NIPBL: variants seen among roughly 807,000 people sequenced by gnomAD.
The protein encoded by NIPBL is NIPBL cohesin loading factor.
Under a neutral mutation model 321.8 loss-of-function variants are expected in NIPBL, and 19 were observed. The observed-to-expected ratio is 0.06, with a 90% CI of 0.04 to 0.09. The LOEUF is 0.09. Among genes scored for constraint, NIPBL ranks in the 10% least tolerant of loss-of-function variants. The pLI is 1.00. For synonymous variants in NIPBL, 1,106 were observed against 1,114.1 expected (o/e 0.99, Z 0.14); for missense variants, 2,210 against 3,327.0 (o/e 0.66, Z 8.26).
intron 21 of NIPBL, among the ~76,000 whole-genome samples, chr5:37,011,701 CTTTT>C (rs1470286372): frequency 6.6e-6 from 1 of 152,028 alleles, no homozygotes; most frequent in East Asian, 1.9e-4. Context: ...TTCTTTCTTT[CTTTT>C]AATTATTTTT....
At chr5:37,034,681 A>G (rs952576988) in intron 32 of NIPBL, among the ~76,000 whole-genome samples, 6 of 152,366 alleles carry the variant, frequency 3.9e-5, no homozygotes, top group Non-Finnish European at 7.3e-5. Flanking sequence ...TAAATAGCAT[A>G]CAGCTTATAC....
intron 21 of NIPBL, among the ~76,000 whole-genome samples, chr5:37,011,496 A>G (rs1748118735): frequency 6.6e-6 from 1 of 152,190 alleles, no homozygotes; most frequent in South Asian, 2.1e-4. Context: ...ATCGAGACTC[A>G]GTGAGCCGAG....
At chr5:36,948,462 G>C (rs564232466) in intron 1 of NIPBL, among the ~76,000 whole-genome samples, 1 of 152,012 alleles carries the variant, frequency 6.6e-6, no homozygotes, top group African/African-American at 2.4e-5. Context: ...ACAACACAAA[G>C]TAGAGTTTAA....
intron 6 of NIPBL, among the ~76,000 whole-genome samples, chr5:36,965,563 A>T (rs778625667): frequency 2.0e-5 from 3 of 152,098 alleles, no homozygotes; most frequent in Non-Finnish European, 4.4e-5. Flanking sequence ...GGGGACAAAT[A>T]TACTGTCTGA....
In NIPBL at chr5:36,985,439, G is replaced by A; in HGVS notation, c.2259G>A (p.Gly753=). The A allele has an allele frequency of 1.2e-6, 2 of 1,613,614 alleles. No homozygotes were observed. Among genetic ancestry groups the A allele is most frequent in the South Asian group, 1.1e-5 (1 of 91,072 alleles). The change falls in exon 10 of 47, where the codon GGG becomes GGA. Residue 753 remains glycine, a synonymous_variant. Transcript: ENST00000282516. ...RPETPKQKNE[G]RPETPKHRHD... ...AAACTCCAAAGCAAAAAAATGAAGG[G>A]CGACCTGAAACACCAAAACACAGGC...
chr5:36,884,408 T>C (rs933434065), intron 1 of NIPBL, among the ~76,000 whole-genome samples: 2 of 152,202 alleles, frequency 1.3e-5, no homozygotes, highest in Non-Finnish European at 2.9e-5. Flanking sequence ...TTCCCACTTC[T>C]ATAGACATAT....
In NIPBL at chr5:37,061,953, T is replaced by A. The variant is rs185855933; in HGVS notation, c.7860+935T>A. Among the ~76,000 whole-genome samples, 1,046 of 152,248 alleles carry A rather than the reference T, an allele frequency of 6.9e-3. 11 individuals carry two copies. The highest frequency in any genetic ancestry group is 0.024 in the African/African-American group (988 of 41,570). On this transcript the variant is annotated intron_variant, in intron 45 of 46. Transcript: ENST00000282516. ...GCCTCCCAGGTTCAAGCAAGTCTCCTGCCTCAGCCTCCCGCATAGCTGGGA... is the reference window on the plus strand; with the variant it reads ...GCCTCCCAGGTTCAAGCAAGTCTCCAGCCTCAGCCTCCCGCATAGCTGGGA...
chr5:36,976,623 A>T (rs1017781028), intron 9 of NIPBL, among the ~76,000 whole-genome samples: 1 of 152,098 alleles, frequency 6.6e-6, no homozygotes, highest in South Asian at 2.1e-4. Context: ...TCTCTACTAC[A>T]GGTCTGTTAC....
At chr5:37,043,005 T>C (rs1752601249) in intron 34 of NIPBL, among the ~76,000 whole-genome samples, 1 of 152,146 alleles carries the variant, frequency 6.6e-6, no homozygotes, top group South Asian at 2.1e-4. Context: ...TAAATCCTTT[T>C]CTACCTTTTG....
At chr5:37,053,378 TTGAC>T (rs1753770742) in intron 42 of NIPBL, among the ~76,000 whole-genome samples, 1 of 152,218 alleles carries the variant, frequency 6.6e-6, no homozygotes, top group African/African-American at 2.4e-5. Context: ...TAGTTTGTAA[TTGAC>T]TGAAACATGT....
Position 37,010,070 on chromosome 5 carries a change from T to G in NIPBL, c.4422-17T>G, listed in dbSNP as rs977992738. On this transcript the variant is annotated splice_polypyrimidine_tract_variant and intron_variant, in intron 20 of 46. Transcript: ENST00000282516. ...ATTATCTTGATACTCCATACAAATT[T>G]TTTTTCTTCATTAAAGGTTAAACAG... 1 of 1,591,058 alleles carries G rather than the reference T, an allele frequency of 6.3e-7. No homozygotes were observed. Among genetic ancestry groups the G allele is most frequent in the Non-Finnish European group, 8.6e-7 (1 of 1,159,700 alleles).
chr5:37,025,102 A>G (rs1202325119), intron 30 of NIPBL, among the ~76,000 whole-genome samples: 4 of 152,166 alleles, frequency 2.6e-5, no homozygotes, highest in African/African-American at 9.7e-5. Context: ...ATTTTTAAAA[A>G]TTTCACCAAA....
At chr5:37,012,781 G>T (rs1408671917) in intron 21 of NIPBL, among the ~76,000 whole-genome samples, 2 of 152,074 alleles carry the variant, frequency 1.3e-5, no homozygotes, top group African/African-American at 4.8e-5. Flanking sequence ...CAGGGTTGGG[G>T]GTAAGGTCAC....
At chr5:37,064,205 G>T in intron 46 of NIPBL, 3 of 1,400,556 alleles carry the variant, frequency 2.1e-6, no homozygotes, top group Non-Finnish European at 1.9e-6. Flanking sequence ...AGCATAAAGG[G>T]TTAATTTTTC....
Position 37,044,648 on chromosome 5 carries a change from T to G in NIPBL, c.6262T>G (p.Cys2088Gly), listed in dbSNP as rs1752792445. ...IKYGMTVVQH[C>G]VSCLGAVVNK... ...CTATATCTTTTAGGTAGTGCAACAT[T>G]GTGTGAGCTGTCTTGGAGCTGTTGT... The change falls in exon 36 of 47, where the codon TGT becomes GGT. Residue 2088 changes from cysteine to glycine, a missense_variant. Cys to Gly is a radical substitution (Grantham distance 159, BLOSUM62 -3). Coordinates refer to ENST00000282516, the MANE Select transcript of NIPBL (RefSeq NM_133433.4). 1 of 1,613,726 alleles carries G rather than the reference T, an allele frequency of 6.2e-7. No homozygotes were observed. Among genetic ancestry groups the G allele is most frequent in the African/African-American group, 1.3e-5 (1 of 74,940 alleles).
chr5:36,893,317 G>T (rs1049729697), intron 1 of NIPBL, among the ~76,000 whole-genome samples: 1 of 152,142 alleles, frequency 6.6e-6, no homozygotes, highest in Non-Finnish European at 1.5e-5. Context: ...TTTTAGAATT[G>T]TTACATGTAG....
At chr5:36,991,133 C>T (rs924236037) in intron 10 of NIPBL, among the ~76,000 whole-genome samples, 7 of 151,890 alleles carry the variant, frequency 4.6e-5, no homozygotes, top group African/African-American at 1.4e-4. Flanking sequence ...AAAATATTAG[C>T]GTTTTCTGGC....
At chr5:37,005,736 T>G (rs1046770850) in intron 16 of NIPBL, among the ~76,000 whole-genome samples, 1 of 152,196 alleles carries the variant, frequency 6.6e-6, no homozygotes, top group Non-Finnish European at 1.5e-5. Context: ...ATTTTTACTT[T>G]AACAGTGAGA....
rs1348819271 is a variant in NIPBL at position 36,945,767 on chromosome 5, G to C, written c.-79-7851G>C. 2.0e-5 allele frequency among the ~76,000 whole-genome samples: 3 copies of C among 152,112 alleles called. No homozygotes were observed. In the East Asian group the frequency reaches 5.8e-4, roughly 29 times the overall value. On this transcript the variant is annotated intron_variant, in intron 1 of 46. Coordinates refer to ENST00000282516, the MANE Select transcript of NIPBL (RefSeq NM_133433.4). Reference sequence around the variant, plus strand: ...TTATTGGGAACTTTTTGTTTTTGAGGTAGGATTTGAGGAAGATCCTTTCAG... The same window carrying C: ...TTATTGGGAACTTTTTGTTTTTGAGCTAGGATTTGAGGAAGATCCTTTCAG...
Sources: gnomAD v4.1 joint callset for allele counts (sites outside exome capture counted in the v4.1 genomes callset) on GRCh38, gnomAD v4.1.1 for gene constraint, MANE v1.5 for transcripts, NCBI Gene and HGNC (gene_info 2026-07-23, HGNC 2026-07-21) for gene names.